Variants in DMD observed in about 807,000 individuals in gnomAD.
The protein encoded by DMD is mutant dystrophin.
DMD carries 63 observed loss-of-function variants against 330.1 expected under a neutral mutation model. That is an observed-to-expected ratio of 0.19 (90% CI 0.16 to 0.24). The LOEUF is 0.24. Ranked by LOEUF, DMD falls within the 10% of genes least tolerant of loss-of-function variation. DMD has a pLI of 1.00. For synonymous variants in DMD, 1,223 were observed against 959.8 expected (o/e 1.27, Z -5.07); for missense variants, 3,344 against 2,684.1 (o/e 1.25, Z -5.43).
intron 64 of DMD, among the ~76,000 whole-genome samples, chrX:31,221,454 C>T (rs1307297094): frequency 1.8e-5 from 2 of 112,334 alleles, no homozygotes; most frequent in East Asian, 2.8e-4. Context: ...CTGACTAGAA[C>T]GCTCTTCCTA....
At chrX:31,527,591 CT>C (rs2073344452) in intron 55 of DMD, among the ~76,000 whole-genome samples, 1 of 111,584 alleles carries the variant, frequency 9.0e-6, no homozygotes, top group Non-Finnish European at 1.9e-5. Flanking sequence ...CTTTCTGCCC[CT>C]TTTGGCTATT....
At chrX:32,822,116 C>CA (rs746680302) in intron 5 of DMD, among the ~76,000 whole-genome samples, 1 of 111,714 alleles carries the variant, frequency 9.0e-6, no homozygotes, top group African/African-American at 3.3e-5. Context: ...TCTCAGCCTC[C>CA]AAATTTTTTA....
chrX:33,285,391 A>C (rs765833780), intron 1 of DMD, among the ~76,000 whole-genome samples: 1 of 111,704 alleles, frequency 9.0e-6, no homozygotes, highest in East Asian at 2.8e-4. Flanking sequence ...ATATTGATGC[A>C]TTCATAATTC....
intron 15 of DMD, among the ~76,000 whole-genome samples, chrX:32,573,302 G>A (rs1392076221): frequency 1.8e-5 from 2 of 111,448 alleles, no homozygotes; most frequent in African/African-American, 6.5e-5. Context: ...TCTTATTCTG[G>A]TATGCTATGT....
intron 1 of DMD, among the ~76,000 whole-genome samples, chrX:33,262,601 C>T (rs952440026): frequency 4.5e-5 from 5 of 110,661 alleles, no homozygotes; most frequent in Non-Finnish European, 9.5e-5. Context: ...AAAAAAGATG[C>T]CCAGAAATAC....
At chrX:31,995,920 T>C (rs113229227) in intron 44 of DMD, among the ~76,000 whole-genome samples, 2,724 of 112,128 alleles carry the variant, frequency 0.024, 81 homozygotes, top group African/African-American at 0.082. Context: ...CCCTATACCA[T>C]TAATGACACC....
chrX:33,240,063 A>T (rs2052562759), intron 1 of DMD, among the ~76,000 whole-genome samples: 1 of 111,537 alleles, frequency 9.0e-6, no homozygotes, highest in Admixed American at 9.6e-5. Context: ...TAAAATCCCA[A>T]ATCTGAAACA....
chrX:32,636,064 A>C (rs2059073729), intron 11 of DMD, among the ~76,000 whole-genome samples: 1 of 112,035 alleles, frequency 8.9e-6, no homozygotes, highest in Admixed American at 9.5e-5. Context: ...GGTGTGTATA[A>C]ATCTTAGGCA....
At chrX:32,431,653 C>A (rs927203017) in intron 29 of DMD, among the ~76,000 whole-genome samples, 2 of 111,263 alleles carry the variant, frequency 1.8e-5, no homozygotes, top group African/African-American at 6.5e-5. Context: ...TATTCATTTT[C>A]TAATTTTTAA....
chrX:33,291,650 TTA>T (rs1274483908), intron 1 of DMD, among the ~76,000 whole-genome samples: 3 of 111,514 alleles, frequency 2.7e-5, no homozygotes, highest in Non-Finnish European at 5.7e-5. Context: ...GACACCCAAT[TTA>T]TTTGAAGACT....
intron 48 of DMD, among the ~76,000 whole-genome samples, chrX:31,869,400 C>G (rs1284808170): frequency 1.0e-4 from 8 of 78,806 alleles, no homozygotes. Flanking sequence ...TTGTAAACGA[C>G]ATGATTTTTT....
intron 44 of DMD, among the ~76,000 whole-genome samples, chrX:32,135,732 T>G (rs1220170851): frequency 4.5e-5 from 5 of 112,196 alleles, no homozygotes; most frequent in Non-Finnish European, 7.5e-5. Context: ...AAAAATGTGA[T>G]CCACAAAAAA....
chrX:32,850,575 C>T (rs914743000), intron 2 of DMD, among the ~76,000 whole-genome samples: 1 of 111,697 alleles, frequency 9.0e-6, no homozygotes, highest in African/African-American at 3.3e-5. Context: ...GAGTATGTGG[C>T]TCTTTGTCAT....
chrX:31,753,424 T>C (rs2088771716), intron 51 of DMD, among the ~76,000 whole-genome samples: 2 of 111,534 alleles, frequency 1.8e-5, no homozygotes, highest in African/African-American at 6.5e-5. Context: ...TTATCAATCC[T>C]CCCTTTTTCT....
At chrX:32,740,777 C>T (rs1411809668) in intron 7 of DMD, among the ~76,000 whole-genome samples, 2 of 110,969 alleles carry the variant, frequency 1.8e-5, no homozygotes, top group African/African-American at 3.3e-5. Flanking sequence ...AAGTACTTCC[C>T]ATGCGTTATT....
At chrX:32,826,151 C>T (rs1002043123) in intron 4 of DMD, among the ~76,000 whole-genome samples, 1 of 111,643 alleles carries the variant, frequency 9.0e-6, no homozygotes, top group South Asian at 3.7e-4. Flanking sequence ...TGAAATATTA[C>T]ATCACACAGA....
At chrX:31,803,932 C>T (rs1223084500) in intron 50 of DMD, among the ~76,000 whole-genome samples, 1 of 110,430 alleles carries the variant, frequency 9.1e-6, no homozygotes. Context: ...CTCCCGACCT[C>T]AGGTGATCCA....
At chrX:32,485,807 G>A (rs1476660180) in intron 20 of DMD, among the ~76,000 whole-genome samples, 2 of 90,268 alleles carry the variant, frequency 2.2e-5, no homozygotes, top group African/African-American at 4.2e-5. Context: ...GCAATGACGC[G>A]ATCTTGGCCA....
At chrX:31,314,266 C>G (rs1357284791) in intron 62 of DMD, among the ~76,000 whole-genome samples, 1 of 112,511 alleles carries the variant, frequency 8.9e-6, no homozygotes, top group Non-Finnish European at 1.9e-5. Context: ...TCCTGTCTAG[C>G]AGATTACATG....
Sources: allele counts gnomAD v4.1 joint callset (sites outside exome capture counted in the v4.1 genomes callset), GRCh38; gene constraint gnomAD v4.1.1; transcripts MANE v1.5; gene names NCBI Gene and HGNC (gene_info 2026-07-23, HGNC 2026-07-21).